Variants in COA8 observed in about 807,000 individuals in gnomAD.
COA8 encodes the protein UPF0671 protein C14orf153.
In COA8, 20 loss-of-function variants were observed where a neutral mutation model predicts 22.0. The ratio of observed to expected loss-of-function variants is 0.91; its 90% CI spans 0.64 to 1.32. The LOEUF is 1.32. Among genes scored for constraint, COA8 ranks in the 40% most tolerant of loss-of-function variants. The pLI is 0.00. For synonymous variants in COA8, 105 were observed against 79.9 expected (o/e 1.31, Z -1.68); for missense variants, 266 against 230.0 (o/e 1.16, Z -1.01).
At chr14:103,579,000 C>G (rs1397116902) in intron 3 of COA8, among the ~76,000 whole-genome samples, 1 of 152,202 alleles carries the variant, frequency 6.6e-6, no homozygotes, top group Admixed American at 6.5e-5. Context: ...GCCACACAGC[C>G]AGGTGGGGAC....
At chr14:103,568,579 GTA>G (rs35129882) in intron 1 of COA8, among the ~76,000 whole-genome samples, 84,805 of 146,026 alleles carry the variant, frequency 0.58, 24,762 homozygotes, top group Non-Finnish European at 0.64. Context: ...ACGTGTGTGT[GTA>G]TATATATATA....
chr14:103,582,082 A>T (rs562883418), intron 3 of COA8, among the ~76,000 whole-genome samples: 1 of 152,284 alleles, frequency 6.6e-6, no homozygotes, highest in South Asian at 2.1e-4. Flanking sequence ...CACCCTGGGT[A>T]GGAGCTGAGC....
intron 3 of COA8, among the ~76,000 whole-genome samples, chr14:103,584,438 G>A (rs1289373040): frequency 6.6e-6 from 1 of 152,054 alleles, no homozygotes; most frequent in Non-Finnish European, 1.5e-5. Context: ...TGCCCCATTC[G>A]AACAGGAGCA....
intron 1 of COA8, among the ~76,000 whole-genome samples, chr14:103,564,517 C>T (rs898754671): frequency 6.7e-6 from 1 of 149,792 alleles, no homozygotes; most frequent in African/African-American, 2.5e-5. Flanking sequence ...TGAACTTGTG[C>T]TGGAAAGAAA....
intron 4 of COA8, chr14:103,588,284 G>GCAGA (rs2076325696): frequency 5.0e-6 from 2 of 397,288 alleles, no homozygotes; most frequent in African/African-American, 2.1e-5. Flanking sequence ...GGAGGCCAAG[G>GCAGA]TGGGTAGATC....
Position 103,568,466 on chromosome 14 carries a change from TACAC to T in COA8, c.124-3149_124-3146del, listed in dbSNP as rs200190691. On this transcript the variant is annotated intron_variant, in intron 1 of 4. Transcript: ENST00000409074. ...ATATACACACACATACATACATACATACACACACACATATATACACACATATATA... is the reference window on the plus strand; with the variant it reads ...ATATACACACACATACATACATACATACACACATATATACACACATATATA... 6.6e-5 allele frequency among the ~76,000 whole-genome samples: 10 copies of T among 151,168 alleles called. No homozygotes were observed. The South Asian group carries it at 8.3e-4, about 13-fold the overall frequency.
chr14:103,582,256 T>G (rs939235960), intron 3 of COA8, among the ~76,000 whole-genome samples: 1 of 147,856 alleles, frequency 6.8e-6, no homozygotes, highest in Admixed American at 6.6e-5. Flanking sequence ...CATTCCCTGG[T>G]CCCTGAGCCA....
intron 3 of COA8, 47 bp downstream of exon 3, chr14:103,574,217 G>T: frequency 6.2e-7 from 1 of 1,607,538 alleles, no homozygotes. Flanking sequence ...TTGCGTTTGA[G>T]CTAGTCCATG....
intron 3 of COA8, among the ~76,000 whole-genome samples, chr14:103,584,395 C>T (rs1173955136): frequency 6.6e-6 from 1 of 152,138 alleles, no homozygotes; most frequent in African/African-American, 2.4e-5. Context: ...TTTCCGGCCC[C>T]CATCCCGAAG....
chr14:103,572,558 T>C (rs2076195619), intron 2 of COA8, among the ~76,000 whole-genome samples: 1 of 151,936 alleles, frequency 6.6e-6, no homozygotes, highest in Non-Finnish European at 1.5e-5. Flanking sequence ...AGCGAAACCT[T>C]ATCTCTACTA....
At chr14:103,588,235 C>T (rs8007489) in intron 4 of COA8, 231,850 of 392,574 alleles carry the variant, frequency 0.59, 69,289 homozygotes, top group Non-Finnish European at 0.64. Context: ...TATTTGTAGG[C>T]TGGATACGGT....
At chr14:103,575,990 A>G (rs1424897246) in intron 3 of COA8, among the ~76,000 whole-genome samples, 1 of 150,710 alleles carries the variant, frequency 6.6e-6, no homozygotes, top group African/African-American at 2.4e-5. Flanking sequence ...GGCGTGAGCC[A>G]CTGTGCCTGG....
chr14:103,574,273 G>A (rs770552390), intron 3 of COA8, 103 bp downstream of exon 3: 7 of 1,511,710 alleles, frequency 4.6e-6, no homozygotes, highest in African/African-American at 1.4e-5. Context: ...AGTTCAGGGC[G>A]GTCCTTGGCC....
Position 103,563,082 on chromosome 14 carries a change from T to C in COA8, c.81T>C (p.Ala27=), listed in dbSNP as rs1268847789. Residue 27 remains alanine (A), a synonymous_variant, in exon 1 of 5, where the codon GCT becomes GCC. Coordinates refer to ENST00000409074, the MANE Select transcript of COA8 (RefSeq NM_001370595.2). ...TCGCCTGCCGCGGCTGTCAACTCGC[T>C]CCGGAGCGCGGCGCCGAGCGCAGGG... ...RAFACRGCQL[A]PERGAERRDT... 1.8e-5 allele frequency: 28 copies of C among 1,540,570 alleles called. No individual in the cohort carries two copies. Among genetic ancestry groups the C allele is most frequent in the East Asian group, 1.7e-4 (7 of 41,502 alleles).
chr14:103,579,034 G>C (rs2076248560), intron 3 of COA8, among the ~76,000 whole-genome samples: 1 of 152,230 alleles, frequency 6.6e-6, no homozygotes, highest in African/African-American at 2.4e-5. Flanking sequence ...GTCCATCCCA[G>C]ATGAGGTCTC....
intron 4 of COA8, among the ~76,000 whole-genome samples, chr14:103,589,504 G>C (rs1489393451): frequency 6.6e-6 from 1 of 152,138 alleles, no homozygotes; most frequent in Non-Finnish European, 1.5e-5. Flanking sequence ...GAGTACTTAA[G>C]AGGCTGAGGC....
chr14:103,574,766 G>A (rs1441774464), intron 3 of COA8: 2 of 283,574 alleles, frequency 7.1e-6, no homozygotes, highest in African/African-American at 4.5e-5. Flanking sequence ...GCTGGCTGCT[G>A]GAGAGGTGGG....
chr14:103,567,478 C>T (rs898068753), intron 1 of COA8: 1 of 151,294 alleles, frequency 6.6e-6, no homozygotes, highest in Admixed American at 6.6e-5. Context: ...GAAAACTTTT[C>T]CCAATACCCT....
Position 103,563,118 on chromosome 14 carries a change from CA to C in COA8, c.118del (p.Ser40AlafsTer17). 6.5e-7 allele frequency: 1 copy of C among 1,539,816 alleles called. No homozygotes were observed. On this transcript the variant is annotated frameshift_variant, in exon 1 of 5. Coordinates refer to ENST00000409074, the MANE Select transcript of COA8 (RefSeq NM_001370595.2). LOFTEE classifies it high-confidence loss of function. ...GCGCCGAGCGCAGGGATACGGCGCC[CA>C]GCGGGGTAAGCAGGGGCCTGGGGAC... is the stretch of plus-strand genomic sequence containing the variant. The part of the protein sequence containing the change: ...RGAERRDTAP[S>X]GVSRFCPPRK...
Sources: allele counts gnomAD v4.1 joint callset (sites outside exome capture counted in the v4.1 genomes callset), GRCh38; gene constraint gnomAD v4.1.1; transcripts MANE v1.5; gene names NCBI Gene and HGNC (gene_info 2026-07-23, HGNC 2026-07-21).